The following DZIP3 variants were observed in gnomAD, a reference collection of about 807,000 sequenced individuals.
DZIP3 encodes the protein E3 ubiquitin-protein ligase DZIP3.
A neutral mutation model predicts 162.0 loss-of-function variants in DZIP3; 118 were observed. That is an observed-to-expected ratio of 0.73 (90% CI 0.63 to 0.85). The LOEUF is 0.85. Ranked by LOEUF, DZIP3 falls within the 40% of genes least tolerant of loss-of-function variation. The probability of loss-of-function intolerance (pLI) is 0.00; values close to 1 mark genes in which losing one functional copy is unlikely to be tolerated. For missense variants in DZIP3, 1,331 were observed against 1,407.0 expected (o/e 0.95, Z 0.86); for synonymous variants, 438 against 458.6 (o/e 0.96, Z 0.57).
At chr3:108,620,062 G>A (rs1179936065) in intron 5 of DZIP3, among the ~76,000 whole-genome samples, 1 of 152,130 alleles carries the variant, frequency 6.6e-6, no homozygotes, top group Non-Finnish European at 1.5e-5. Context: ...AGGATACATA[G>A]TAGATCATAT....
intron 9 of DZIP3, among the ~76,000 whole-genome samples, chr3:108,633,565 TGATA>T (rs1941982986): frequency 6.6e-6 from 1 of 151,660 alleles, no homozygotes; most frequent in South Asian, 2.1e-4. Flanking sequence ...AGAATACTTC[TGATA>T]GATCTCTCTC....
chr3:108,625,991 T>G, intron 7 of DZIP3, 22 bp downstream of exon 7: 1 of 1,606,816 alleles, frequency 6.2e-7, no homozygotes. Context: ...AATTAACGGG[T>G]AGATGTTGCC....
chr3:108,616,967 C>T (rs1275823503), intron 5 of DZIP3, among the ~76,000 whole-genome samples: 1 of 151,872 alleles, frequency 6.6e-6, no homozygotes, highest in Non-Finnish European at 1.5e-5. Flanking sequence ...ATGGGCTTTC[C>T]CAATCAGAAA....
At chr3:108,646,687 T>G (rs1203485654) in intron 15 of DZIP3, 38 bp downstream of exon 15, 1 of 1,381,840 alleles carries the variant, frequency 7.2e-7, no homozygotes, top group East Asian at 2.5e-5. Context: ...AAATGACTTT[T>G]TAACAAGGGA....
At chr3:108,639,062 C>A (rs1942277274) in intron 12 of DZIP3, among the ~76,000 whole-genome samples, 1 of 152,200 alleles carries the variant, frequency 6.6e-6, no homozygotes, top group Non-Finnish European at 1.5e-5. Flanking sequence ...GACCTTCAAG[C>A]TTTGCTTGGA....
At chr3:108,690,297 CAGAT>C (rs1342810385) in intron 31 of DZIP3, among the ~76,000 whole-genome samples, 3 of 152,146 alleles carry the variant, frequency 2.0e-5, no homozygotes, top group African/African-American at 7.2e-5. Flanking sequence ...AGTGACTTAA[CAGAT>C]AGTTCATAGC....
intron 23 of DZIP3, 137 bp from the exon 24 acceptor site, chr3:108,673,941 C>G (rs146911048): frequency 9.1e-6 from 6 of 659,184 alleles, no homozygotes; most frequent in African/African-American, 7.2e-5. Context: ...TGTAATGTAT[C>G]TTGAATGGTC....
At chr3:108,665,345 C>T (rs1943623010) in intron 21 of DZIP3, among the ~76,000 whole-genome samples, 1 of 151,946 alleles carries the variant, frequency 6.6e-6, no homozygotes, top group Non-Finnish European at 1.5e-5. Flanking sequence ...GATATAATCA[C>T]TAGTAAAGTG....
chr3:108,660,306 A>G (rs1365252707), intron 19 of DZIP3, among the ~76,000 whole-genome samples: 3 of 152,340 alleles, frequency 2.0e-5, no homozygotes, highest in Admixed American at 6.5e-5. Flanking sequence ...GACCAATGGA[A>G]CAGAACGGAG....
At position 108,654,208 on chromosome 3, in the gene DZIP3, T is replaced by G. The variant is rs1277424117; in HGVS notation, c.2097T>G (p.Ser699Arg). 1.2e-6 allele frequency: 2 copies of G among 1,613,654 alleles called. No individual in the cohort carries two copies. The highest frequency in any genetic ancestry group is 1.7e-6 in the Non-Finnish European group (2 of 1,179,746). The change falls in exon 19 of 33, where the codon AGT (serine) becomes AGG (arginine). Residue 699 changes from serine (S) to arginine (R), a missense_variant. Physicochemically the swap from Ser to Arg is moderately radical, Grantham distance 110. This residue lies in a region of DZIP3 where 1,278 missense variants were observed against 1,317.1 expected (regional missense o/e 0.97). Transcript: ENST00000361582. ...RKEQANPHSV[S>R]RLIKDDASDV... ...AACAAGCAAATCCACACTCAGTCAGTAGACTTATAAAAGATGATGCAAGTG... is the reference window on the plus strand; with the variant it reads ...AACAAGCAAATCCACACTCAGTCAGGAGACTTATAAAAGATGATGCAAGTG...
intron 32 of DZIP3, among the ~76,000 whole-genome samples, chr3:108,692,454 T>C (rs541854388): frequency 1.3e-5 from 2 of 152,328 alleles, no homozygotes; most frequent in African/African-American, 4.8e-5. Flanking sequence ...TGTTTCTGAA[T>C]AGATCCAGTT....
Position 108,644,236 on chromosome 3 carries a change from C to T in DZIP3, c.1214C>T (p.Thr405Ile). 1 of 1,613,466 alleles carries T rather than the reference C, an allele frequency of 6.2e-7. No individual in the cohort carries two copies. Among genetic ancestry groups the T allele is most frequent in the Non-Finnish European group, 8.5e-7 (1 of 1,179,810 alleles). The change falls in exon 14 of 33, where the codon ACT becomes ATT. Residue 405 changes from threonine to isoleucine, a missense_variant. Around this residue, in one of 2 missense-constraint regions of DZIP3, gnomAD observed 1,278 missense variants for 1,317.1 expected, o/e 0.97. Transcript: ENST00000361582. ...CTTCATATAATTATTATTTCTGGTA[C>T]TGACATTGTTCGACAAATATTTGAT... ...HLLHIIIISG[T>I]DIVRQIFDEA...
intron 3 of DZIP3, among the ~76,000 whole-genome samples, chr3:108,609,310 T>C (rs984459650): frequency 6.6e-6 from 1 of 152,166 alleles, no homozygotes; most frequent in African/African-American, 2.4e-5. Flanking sequence ...CATGAGGTTA[T>C]CGCTGTAAAA....
intron 8 of DZIP3, among the ~76,000 whole-genome samples, chr3:108,630,198 G>A (rs1941768704): frequency 6.6e-6 from 1 of 151,818 alleles, no homozygotes; most frequent in African/African-American, 2.4e-5. Flanking sequence ...TAAACCATTT[G>A]TGTCTTTTTA....
intron 17 of DZIP3, 96 bp from the exon 18 acceptor site, chr3:108,651,041 A>G (rs1390139931): frequency 9.0e-6 from 4 of 445,146 alleles, no homozygotes; most frequent in Non-Finnish European, 1.4e-5. Context: ...ATGATCAAAA[A>G]TTTTTTGAGA....
chr3:108,606,142 ACT>A (rs1185554499), intron 2 of DZIP3, among the ~76,000 whole-genome samples: 1 of 152,180 alleles, frequency 6.6e-6, no homozygotes, highest in South Asian at 2.1e-4. Flanking sequence ...CCTCATAACA[ACT>A]CTATGAAGTG....
At chr3:108,665,252 A>G (rs1057414966) in intron 21 of DZIP3, among the ~76,000 whole-genome samples, 15 of 152,336 alleles carry the variant, frequency 9.8e-5, no homozygotes, top group African/African-American at 3.4e-4. Flanking sequence ...GAAAACCTAG[A>G]ATATCTCAGT....
chr3:108,607,366 C>A (rs1369822671), intron 2 of DZIP3, among the ~76,000 whole-genome samples: 1 of 152,112 alleles, frequency 6.6e-6, no homozygotes, highest in Non-Finnish European at 1.5e-5. Context: ...CTGAATAAAT[C>A]AGTCAATATA....
intron 19 of DZIP3, among the ~76,000 whole-genome samples, chr3:108,658,831 T>C (rs1943273283): frequency 6.6e-6 from 1 of 152,010 alleles, no homozygotes; most frequent in South Asian, 2.1e-4. Flanking sequence ...CCCACAGAAA[T>C]ACAAACTACC....
Sources: gnomAD v4.1 joint callset for allele counts (sites outside exome capture counted in the v4.1 genomes callset) on GRCh38, gnomAD v4.1.1 for gene constraint, gnomAD v4.1.1 regional missense constraint, MANE v1.5 for transcripts, NCBI Gene and HGNC (gene_info 2026-07-23, HGNC 2026-07-21) for gene names.